Variants in PXDNL observed in about 807,000 individuals in gnomAD.
PXDNL encodes probable oxidoreductase PXDNL.
Under a neutral mutation model 150.8 loss-of-function variants are expected in PXDNL, and 145 were observed. The observed-to-expected ratio is 0.96, with a 90% CI of 0.84 to 1.10. The LOEUF is 1.10. Among genes scored for constraint, PXDNL ranks in the 50% least tolerant of loss-of-function variants. The pLI is 0.00. For synonymous variants in PXDNL, 757 were observed against 725.7 expected (o/e 1.04, Z -0.69); for missense variants, 2,087 against 1,873.9 (o/e 1.11, Z -2.10).
intron 19 of PXDNL, among the ~76,000 whole-genome samples, chr8:51,346,704 G>A (rs1029994230): frequency 1.3e-5 from 2 of 152,068 alleles, no homozygotes; most frequent in African/African-American, 4.8e-5. Context: ...AAGTGCGTGG[G>A]ACCTCCCGTA....
intron 4 of PXDNL, among the ~76,000 whole-genome samples, chr8:51,544,714 A>T (rs2130496338): frequency 6.6e-6 from 1 of 152,322 alleles, no homozygotes; most frequent in Non-Finnish European, 1.5e-5. Flanking sequence ...TATGTCATGA[A>T]GCCAACAGGA....
At chr8:51,628,374 A>C (rs1175826328) in intron 2 of PXDNL, among the ~76,000 whole-genome samples, 3 of 97,718 alleles carry the variant, frequency 3.1e-5, no homozygotes, top group Admixed American at 1.1e-4. Context: ...TTCCTTTTTC[A>C]TCTCTCTCTG....
At chr8:51,733,604 T>A (rs914784903) in intron 1 of PXDNL, among the ~76,000 whole-genome samples, 3 of 151,990 alleles carry the variant, frequency 2.0e-5, no homozygotes, top group Admixed American at 6.6e-5. Context: ...GGTCAGGAGT[T>A]TGAGACCAGC....
chr8:51,441,342 G>A (rs1809544126), intron 12 of PXDNL, among the ~76,000 whole-genome samples: 1 of 152,092 alleles, frequency 6.6e-6, no homozygotes, highest in Admixed American at 6.5e-5. Flanking sequence ...ACTAATACAA[G>A]GTCCTTCATT....
chr8:51,463,124 TA>T (rs1446942000), intron 8 of PXDNL, among the ~76,000 whole-genome samples: 1 of 152,110 alleles, frequency 6.6e-6, no homozygotes, highest in South Asian at 2.1e-4. Flanking sequence ...AAGAGGACCT[TA>T]AGGGAGTTCT....
At chr8:51,477,247 T>G (rs1488010045) in intron 6 of PXDNL, among the ~76,000 whole-genome samples, 1 of 152,254 alleles carries the variant, frequency 6.6e-6, no homozygotes, top group Non-Finnish European at 1.5e-5. Context: ...CTGAAAATGA[T>G]AGCTATGTTT....
chr8:51,717,820 A>G (rs1382981268), intron 1 of PXDNL, among the ~76,000 whole-genome samples: 1 of 152,222 alleles, frequency 6.6e-6, no homozygotes, highest in Non-Finnish European at 1.5e-5. Flanking sequence ...GTCACCCTGC[A>G]GGATTCTGTT....
intron 4 of PXDNL, among the ~76,000 whole-genome samples, chr8:51,509,723 C>CAT (rs1187843666): frequency 3.6e-5 from 5 of 137,824 alleles, no homozygotes; most frequent in South Asian, 2.5e-4. Flanking sequence ...TCTGTGTGTA[C>CAT]ATATATATAT....
chr8:51,320,733 G>A, intron 22 of PXDNL, 51 bp downstream of exon 22: 2 of 1,260,598 alleles, frequency 1.6e-6, no homozygotes, highest in Non-Finnish European at 2.2e-6. Context: ...GCTTCAACTG[G>A]CTGGCTAGAA....
intron 1 of PXDNL, among the ~76,000 whole-genome samples, chr8:51,754,536 C>G (rs2037079542): frequency 6.6e-6 from 1 of 151,898 alleles, no homozygotes; most frequent in Admixed American, 6.6e-5. Flanking sequence ...CAGAGTCTCG[C>G]TCTGTCACCC....
chr8:51,645,214 T>C lies in PXDNL; in HGVS notation c.236+9475A>G, dbSNP rs570919927. Among the ~76,000 whole-genome samples the C allele has an allele frequency of 2.6e-5, 4 of 152,172 alleles. No individual in the cohort carries two copies. The East Asian group carries it at 7.7e-4, about 29-fold the overall frequency. ...GTGCAAATTCCTCCTCCCTCTGACTTTTTGTTCTATGCAGGCCCTCAGTGG... is the reference window on the plus strand; with the variant it reads ...GTGCAAATTCCTCCTCCCTCTGACTCTTTGTTCTATGCAGGCCCTCAGTGG... On this transcript the variant is annotated intron_variant, in intron 2 of 22. Coordinates refer to ENST00000356297, the MANE Select transcript of PXDNL (RefSeq NM_144651.5).
intron 2 of PXDNL, among the ~76,000 whole-genome samples, chr8:51,636,813 T>C (rs1356769861): frequency 6.6e-6 from 1 of 152,100 alleles, no homozygotes; most frequent in African/African-American, 2.4e-5. Flanking sequence ...TTTTTTTTTT[T>C]TCTGCAGAAG....
intron 17 of PXDNL, among the ~76,000 whole-genome samples, chr8:51,381,530 A>T (rs1807539079): frequency 1.3e-5 from 2 of 152,204 alleles, no homozygotes; most frequent in African/African-American, 4.8e-5. Flanking sequence ...ATCTGCTAAT[A>T]TGGTAATACT....
At chr8:51,655,149 T>C (rs913895472) in intron 1 of PXDNL, among the ~76,000 whole-genome samples, 12 of 152,220 alleles carry the variant, frequency 7.9e-5, no homozygotes, top group Admixed American at 6.5e-4. Context: ...ATGTCACATA[T>C]CAACTCAACA....
chr8:51,361,058 C>T (rs1366936559), intron 19 of PXDNL, among the ~76,000 whole-genome samples: 3 of 152,148 alleles, frequency 2.0e-5, no homozygotes, highest in Non-Finnish European at 2.9e-5. Context: ...AAGTGAGATC[C>T]CTGCCAGGCC....
At chr8:51,478,702 C>A (rs1476721512) in intron 6 of PXDNL, among the ~76,000 whole-genome samples, 1 of 152,096 alleles carries the variant, frequency 6.6e-6, no homozygotes, top group Non-Finnish European at 1.5e-5. Flanking sequence ...AATGGACACT[C>A]CTCAGTTGAA....
At chr8:51,322,637 G>A (rs1282877856) in intron 21 of PXDNL, among the ~76,000 whole-genome samples, 1 of 152,166 alleles carries the variant, frequency 6.6e-6, no homozygotes, top group Non-Finnish European at 1.5e-5. Context: ...GAGACAAAAA[G>A]AGCCATGTAG....
chr8:51,766,266 C>A (rs1258224126), intron 1 of PXDNL, among the ~76,000 whole-genome samples: 1 of 152,166 alleles, frequency 6.6e-6, no homozygotes, highest in African/African-American at 2.4e-5. Flanking sequence ...GTTCCCTTCC[C>A]ACTCTTCTAT....
chr8:51,471,716 T>C (rs1318943937), intron 8 of PXDNL, among the ~76,000 whole-genome samples: 1 of 151,764 alleles, frequency 6.6e-6, no homozygotes, highest in Middle Eastern at 3.4e-3. Flanking sequence ...AGATGGAGTC[T>C]TGCTCTGTTG....
Sources: gnomAD v4.1 joint callset for allele counts (sites outside exome capture counted in the v4.1 genomes callset) on GRCh38, gnomAD v4.1.1 for gene constraint, MANE v1.5 for transcripts, NCBI Gene and HGNC (gene_info 2026-07-23, HGNC 2026-07-21) for gene names.